Variants in NAALADL2 observed in about 807,000 individuals in gnomAD.
NAALADL2 encodes N-acetylated alpha-linked acidic dipeptidase like 2.
A neutral mutation model predicts 87.2 loss-of-function variants in NAALADL2; 76 were observed. The observed-to-expected ratio is 0.87, with a 90% CI of 0.72 to 1.05. The LOEUF is 1.05. Ranked by LOEUF, NAALADL2 falls within the 50% of genes least tolerant of loss-of-function variation. NAALADL2 has a pLI of 0.00. For synonymous variants in NAALADL2, 354 were observed against 331.0 expected, an observed-to-expected ratio of 1.07 and a Z score of -0.75; for missense variants, 1,089 against 945.8, an observed-to-expected ratio of 1.15 and a Z score of -1.99.
At chr3:174,698,947 ATGTGTGTGTGTG>A (rs375672663) in intron 2 of NAALADL2, among the ~76,000 whole-genome samples, 1 of 141,798 alleles carries the variant, frequency 7.1e-6, no homozygotes, top group Non-Finnish European at 1.5e-5. Flanking sequence ...ATATATATGA[ATGTGTGTGTGTG>A]TGTGCGTGTA....
At chr3:174,876,281 C>T (rs113086601) in intron 1 of NAALADL2, among the ~76,000 whole-genome samples, 2,922 of 152,104 alleles carry the variant, frequency 0.019, 102 homozygotes, top group African/African-American at 0.066. Flanking sequence ...AGACAGGACC[C>T]GTTGAAAAAA....
At chr3:175,272,679 A>AT (rs1410893105) in intron 4 of NAALADL2, among the ~76,000 whole-genome samples, 2 of 152,138 alleles carry the variant, frequency 1.3e-5, no homozygotes, top group Admixed American at 1.3e-4. Flanking sequence ...TTAAATTATT[A>AT]TTTTTTAATG....
chr3:175,085,953 G>C (rs534969479), intron 1 of NAALADL2, among the ~76,000 whole-genome samples: 10 of 152,146 alleles, frequency 6.6e-5, no homozygotes, highest in Admixed American at 6.5e-5. Flanking sequence ...GTAATAGACA[G>C]GTTATAATTG....
At chr3:174,887,193 C>A (rs1033632123) in intron 1 of NAALADL2, among the ~76,000 whole-genome samples, 1 of 145,030 alleles carries the variant, frequency 6.9e-6, no homozygotes. Flanking sequence ...TTTTAGGCAT[C>A]TTCCTTTTTG....
intron 3 of NAALADL2, among the ~76,000 whole-genome samples, chr3:174,768,795 G>A (rs1339515943): frequency 6.6e-6 from 1 of 151,900 alleles, no homozygotes. Flanking sequence ...TTTGATTGAA[G>A]TTTTGTACTT....
intron 2 of NAALADL2, among the ~76,000 whole-genome samples, chr3:174,679,448 T>C (rs1421072517): frequency 6.6e-6 from 1 of 152,214 alleles, no homozygotes; most frequent in African/African-American, 2.4e-5. Flanking sequence ...TGTAAACATG[T>C]TAAACATATT....
At chr3:174,988,597 C>T (rs1332952077) in intron 1 of NAALADL2, among the ~76,000 whole-genome samples, 1 of 152,152 alleles carries the variant, frequency 6.6e-6, no homozygotes, top group African/African-American at 2.4e-5. Flanking sequence ...AAGGTGTTGG[C>T]AGAGCCATAT....
chr3:174,625,057 C>CTCTCTCTTTTTT (rs748895219), intron 2 of NAALADL2, among the ~76,000 whole-genome samples: 10 of 78,854 alleles, frequency 1.3e-4, no homozygotes, highest in East Asian at 6.1e-4. Context: ...CTCTCTCTCT[C>CTCTCTCTTTTTT]TTTTTTTTTT....
At chr3:174,474,941 A>T (rs1030979979) in intron 1 of NAALADL2, among the ~76,000 whole-genome samples, 4 of 152,100 alleles carry the variant, frequency 2.6e-5, no homozygotes, top group African/African-American at 9.6e-5. Context: ...AATCTGATAT[A>T]GACATTGCCC....
chr3:174,618,676 A>G (rs995172126), intron 2 of NAALADL2, among the ~76,000 whole-genome samples: 2 of 151,846 alleles, frequency 1.3e-5, no homozygotes, highest in Non-Finnish European at 3.0e-5. Flanking sequence ...TATAACTTCT[A>G]CTTTATTTGG....
At chr3:175,309,806 C>A (rs1037249317) in intron 4 of NAALADL2, among the ~76,000 whole-genome samples, 2 of 152,124 alleles carry the variant, frequency 1.3e-5, no homozygotes, top group African/African-American at 4.8e-5. Context: ...GAAAATCCTT[C>A]AGATATATTA....
chr3:175,486,692 C>T (rs562214754), intron 9 of NAALADL2, among the ~76,000 whole-genome samples: 1 of 152,188 alleles, frequency 6.6e-6, no homozygotes, highest in Admixed American at 6.6e-5. Context: ...GATTTAGAAA[C>T]GATATGAGTG....
chr3:174,965,185 T>C (rs73047101), intron 1 of NAALADL2, among the ~76,000 whole-genome samples: 3,632 of 152,222 alleles, frequency 0.024, 143 homozygotes, highest in African/African-American at 0.084. Context: ...ACAAGGCTAT[T>C]GGCTGGAGAT....
At chr3:175,643,633 TG>T in intron 11 of NAALADL2, among the ~76,000 whole-genome samples, 1 of 152,246 alleles carries the variant, frequency 6.6e-6, no homozygotes, top group East Asian at 1.9e-4. Flanking sequence ...GAAAAATGAT[TG>T]TCAGTGAGAA....
At chr3:175,565,191 G>T (rs1716909016) in intron 9 of NAALADL2, among the ~76,000 whole-genome samples, 2 of 152,116 alleles carry the variant, frequency 1.3e-5, no homozygotes, top group East Asian at 3.9e-4. Context: ...ACTTCTGCCT[G>T]CCATTCCATT....
intron 9 of NAALADL2, among the ~76,000 whole-genome samples, chr3:175,573,384 C>G (rs1168717244): frequency 6.6e-6 from 1 of 152,120 alleles, no homozygotes; most frequent in Non-Finnish European, 1.5e-5. Context: ...AAGACCAGAT[C>G]TTATCATATC....
intron 1 of NAALADL2, among the ~76,000 whole-genome samples, chr3:175,036,288 C>T (rs560660412): frequency 8.5e-5 from 13 of 152,088 alleles, no homozygotes; most frequent in Admixed American, 1.3e-4. Context: ...TTGTCATTTT[C>T]GACCATCAAT....
intron 4 of NAALADL2, among the ~76,000 whole-genome samples, chr3:175,260,493 A>G (rs1750848307): frequency 6.6e-6 from 1 of 152,214 alleles, no homozygotes; most frequent in African/African-American, 2.4e-5. Context: ...TATTAAACAT[A>G]GTTATGCAGC....
chr3:174,781,340 G>C (rs1343320228), intron 3 of NAALADL2, among the ~76,000 whole-genome samples: 1 of 151,714 alleles, frequency 6.6e-6, no homozygotes, highest in Non-Finnish European at 1.5e-5. Flanking sequence ...TGCTAGATGG[G>C]GGAAGTTCTC....
Sources: gnomAD v4.1 joint callset for allele counts (sites outside exome capture counted in the v4.1 genomes callset) on GRCh38, gnomAD v4.1.1 for gene constraint, MANE v1.5 for transcripts, NCBI Gene and HGNC (gene_info 2026-07-23, HGNC 2026-07-21) for gene names.